The following SHCBP1L variants were observed in gnomAD, a reference collection of about 807,000 sequenced individuals.
SHCBP1L encodes SHC binding and spindle associated 1 like, also known as testicular spindle-associated protein SHCBP1L.
In SHCBP1L, 67 loss-of-function variants were observed where a neutral mutation model predicts 62.5. The observed-to-expected ratio is 1.07, with a 90% CI of 0.88 to 1.31. The LOEUF (loss-of-function observed/expected upper bound fraction) is 1.31. SHCBP1L is among the 40% of genes most tolerant of loss of function. SHCBP1L has a pLI of 0.00. For synonymous variants in SHCBP1L, 284 were observed against 289.4 expected, an observed-to-expected ratio of 0.98 and a Z score of 0.19; for missense variants, 823 against 809.8, an observed-to-expected ratio of 1.02 and a Z score of -0.20.
chr1:182,949,662 A>C (rs376554577), intron 2 of SHCBP1L, among the ~76,000 whole-genome samples: 1 of 151,804 alleles, frequency 6.6e-6, no homozygotes, highest in Non-Finnish European at 1.5e-5. Flanking sequence ...GCACCACTGC[A>C]CTCCAGCCTG....
chr1:182,945,013 T>G (rs1034796520), intron 2 of SHCBP1L, among the ~76,000 whole-genome samples: 1 of 145,742 alleles, frequency 6.9e-6, no homozygotes, highest in African/African-American at 2.6e-5. Context: ...CAGGCTAGAG[T>G]GCAGTGGTGT....
rs1192891831 is a variant in SHCBP1L, at chr1:182,900,071, A to G, written c.1874T>C (p.Phe625Ser). The change falls in exon 10 of 10, where the codon TTC (phenylalanine) becomes TCC (serine). Residue 625 changes from phenylalanine (F) to serine (S), a missense_variant. Physicochemically the swap from Phe to Ser is radical, Grantham distance 155. Coordinates refer to ENST00000367547, the MANE Select transcript of SHCBP1L (RefSeq NM_030933.4). ...SGDKKDDKML[F>S]KVMQNLNLEM... Reference sequence around the variant, plus strand: ...CAGATTCAGATTTTGCATTACTTTGAAGAGCATTTTATCATCTTTTTTATC... The same window carrying G: ...CAGATTCAGATTTTGCATTACTTTGGAGAGCATTTTATCATCTTTTTTATC... 1.2e-6 allele frequency: 2 copies of G among 1,613,144 alleles called. No homozygotes were observed. Among genetic ancestry groups the G allele is most frequent in the South Asian group, 1.1e-5 (1 of 90,960 alleles).
chr1:182,912,272 T>A (rs1437375735), intron 6 of SHCBP1L, among the ~76,000 whole-genome samples: 4 of 152,172 alleles, frequency 2.6e-5, no homozygotes, highest in Non-Finnish European at 5.9e-5. Flanking sequence ...CAAGACCCTG[T>A]TATCCACAAA....
chr1:182,920,184 C>A (rs1024893718), intron 6 of SHCBP1L, among the ~76,000 whole-genome samples: 12 of 152,158 alleles, frequency 7.9e-5, no homozygotes, highest in African/African-American at 2.9e-4. Context: ...GTGTTGTTAC[C>A]AGCAGACTGT....
At chr1:182,948,946 G>A (rs1449391929) in intron 2 of SHCBP1L, among the ~76,000 whole-genome samples, 1 of 152,054 alleles carries the variant, frequency 6.6e-6, no homozygotes, top group Non-Finnish European at 1.5e-5. Flanking sequence ...ATACTGTTTT[G>A]CTTTTTCCTC....
At chr1:182,920,673 C>A (rs988339993) in intron 6 of SHCBP1L, among the ~76,000 whole-genome samples, 1 of 151,970 alleles carries the variant, frequency 6.6e-6, no homozygotes, top group Non-Finnish European at 1.5e-5. Flanking sequence ...ATCCAATAAA[C>A]AATACAAGAG....
intron 5 of SHCBP1L, among the ~76,000 whole-genome samples, chr1:182,931,471 A>T (rs1650993679): frequency 6.6e-6 from 1 of 152,196 alleles, no homozygotes; most frequent in Admixed American, 6.5e-5. Flanking sequence ...TTTTTAACTC[A>T]ATCACAATAA....
intron 1 of SHCBP1L, 65 bp downstream of exon 1, chr1:182,952,664 C>G: frequency 6.6e-7 from 1 of 1,518,744 alleles, no homozygotes. Context: ...AGGGAAGCCC[C>G]AGATGCCTGT....
At chr1:182,920,954 C>G (rs1030889972) in intron 6 of SHCBP1L, among the ~76,000 whole-genome samples, 2 of 152,128 alleles carry the variant, frequency 1.3e-5, no homozygotes, top group African/African-American at 4.8e-5. Flanking sequence ...AAGCATATTT[C>G]AGGATACTGT....
intron 5 of SHCBP1L, among the ~76,000 whole-genome samples, chr1:182,937,049 G>C (rs900492083): frequency 2.0e-5 from 3 of 151,740 alleles, no homozygotes; most frequent in Non-Finnish European, 4.4e-5. Flanking sequence ...GCAAGACCCT[G>C]TCTCAGAAAA....
intron 9 of SHCBP1L, among the ~76,000 whole-genome samples, chr1:182,902,613 AC>A (rs1420028571): frequency 2.6e-5 from 4 of 152,216 alleles, no homozygotes; most frequent in Admixed American, 1.3e-4. Flanking sequence ...AAGACATTTC[AC>A]CTAGAAATTA....
At chr1:182,907,553 T>TTTC (rs1260880839) in intron 6 of SHCBP1L, among the ~76,000 whole-genome samples, 14 of 150,766 alleles carry the variant, frequency 9.3e-5, no homozygotes, top group African/African-American at 3.2e-4. Flanking sequence ...TGCATATATC[T>TTTC]TTCTTATTCT....
chr1:182,937,584 A>C (rs1184513476), intron 5 of SHCBP1L, among the ~76,000 whole-genome samples: 2 of 152,144 alleles, frequency 1.3e-5, no homozygotes, highest in Non-Finnish European at 2.9e-5. Flanking sequence ...AATTCTCATC[A>C]TTATTAATTC....
At chr1:182,930,689 G>GTATA (rs1235603214) in intron 5 of SHCBP1L, among the ~76,000 whole-genome samples, 2 of 77,454 alleles carry the variant, frequency 2.6e-5, no homozygotes, top group African/African-American at 1.6e-4. Context: ...GTGTGTGTGT[G>GTATA]TGTGTGTGTG....
chr1:182,920,756 T>C (rs1048751447), intron 6 of SHCBP1L, among the ~76,000 whole-genome samples: 1 of 152,038 alleles, frequency 6.6e-6, no homozygotes, highest in African/African-American at 2.4e-5. Context: ...ACTCCAAGAA[T>C]TGGAAGTATT....
intron 6 of SHCBP1L, among the ~76,000 whole-genome samples, chr1:182,924,970 G>GAA (rs1424125137): frequency 8.7e-6 from 1 of 115,342 alleles, no homozygotes; most frequent in Non-Finnish European, 1.7e-5. Flanking sequence ...AAGAAAGAAA[G>GAA]AAAGAAAAAA....
In SHCBP1L at chr1:182,900,117, T is replaced by C. The variant is rs765453440; in HGVS notation, c.1828A>G (p.Asn610Asp). 6.2e-7 allele frequency: 1 copy of C among 1,612,548 alleles called. No homozygotes were observed. The highest frequency in any genetic ancestry group is 8.5e-7 in the Non-Finnish European group (1 of 1,179,224). The change falls in exon 10 of 10, where the codon AAC (asparagine) becomes GAC (aspartate). Residue 610 changes from asparagine (N) to aspartate (D), a missense_variant. By Grantham distance (23) the Asn-to-Asp change is conservative (BLOSUM62 1). Coordinates refer to ENST00000367547, the MANE Select transcript of SHCBP1L (RefSeq NM_030933.4). ...QFFIVAEEAL[N>D]KRASSGDKKD... The stretch of plus-strand genomic sequence containing the variant: ...TTATCTCCTGAAGAAGCCCTTTTGT[T>C]GAGAGCTTCTTCTGCTACGATAAAA...
chr1:182,941,290 A>T, intron 2 of SHCBP1L, among the ~76,000 whole-genome samples: 1 of 149,740 alleles, frequency 6.7e-6, no homozygotes, highest in African/African-American at 2.4e-5. Flanking sequence ...GGACATAAAG[A>T]GTAAAATTCT....
At chr1:182,942,977 A>C (rs894497798) in intron 2 of SHCBP1L, among the ~76,000 whole-genome samples, 5 of 152,248 alleles carry the variant, frequency 3.3e-5, no homozygotes, top group Non-Finnish European at 7.3e-5. Flanking sequence ...AAGAAAACTT[A>C]GAAAATAGAA....
Sources: gnomAD v4.1 joint callset for allele counts (sites outside exome capture counted in the v4.1 genomes callset) on GRCh38, gnomAD v4.1.1 for gene constraint, MANE v1.5 for transcripts, NCBI Gene and HGNC (gene_info 2026-07-23, HGNC 2026-07-21) for gene names.